ASIC2: variants seen among roughly 807,000 people sequenced by gnomAD.
ASIC2 encodes the protein acid-sensing ion channel 2.
In ASIC2, 25 loss-of-function variants were observed where a neutral mutation model predicts 57.3. The observed-to-expected ratio is 0.44, with a 90% CI of 0.32 to 0.61. The LOEUF is 0.61. Ranked by LOEUF, ASIC2 falls within the 20% of genes least tolerant of loss-of-function variation. The pLI, the probability that ASIC2 is intolerant of heterozygous loss-of-function variation, is 0.06. For synonymous variants in ASIC2, 319 were observed against 307.5 expected, an observed-to-expected ratio of 1.04 and a Z score of -0.39; for missense variants, 641 against 738.1, an observed-to-expected ratio of 0.87 and a Z score of 1.52.
intron 1 of ASIC2, among the ~76,000 whole-genome samples, chr17:34,021,827 GTTTTGTTTTGT>G (rs1298171385): frequency 6.6e-4 from 84 of 127,354 alleles, no homozygotes; most frequent in African/African-American, 2.9e-3. Context: ...TTGGTTTTGT[GTTTTGTTTTGT>G]TTTTTTTTTT....
intron 1 of ASIC2, among the ~76,000 whole-genome samples, chr17:33,299,817 C>T (rs1905877050): frequency 1.3e-5 from 2 of 152,120 alleles, no homozygotes; most frequent in African/African-American, 2.4e-5. Context: ...GTGGCTGAAG[C>T]GTTGTGGTCC....
At chr17:33,379,940 A>G (rs2141945090) in intron 1 of ASIC2, among the ~76,000 whole-genome samples, 1 of 152,292 alleles carries the variant, frequency 6.6e-6, no homozygotes, top group Middle Eastern at 3.4e-3. Flanking sequence ...CCATAGTAGG[A>G]ATTTGTTAAG....
chr17:33,145,222 C>G (rs1904509252), intron 1 of ASIC2, among the ~76,000 whole-genome samples: 1 of 152,254 alleles, frequency 6.6e-6, no homozygotes, highest in South Asian at 2.1e-4. Flanking sequence ...AAGGCAGCCT[C>G]TACCAGCTTC....
At chr17:33,989,220 G>T (rs1197054494) in intron 1 of ASIC2, among the ~76,000 whole-genome samples, 1 of 152,070 alleles carries the variant, frequency 6.6e-6, no homozygotes, top group African/African-American at 2.4e-5. Flanking sequence ...GCTGGGGAAG[G>T]TTTTTTGAGT....
At chr17:33,851,842 G>T (rs1913774074) in intron 1 of ASIC2, among the ~76,000 whole-genome samples, 1 of 152,202 alleles carries the variant, frequency 6.6e-6, no homozygotes, top group Non-Finnish European at 1.5e-5. Flanking sequence ...AGGAACCTCA[G>T]CTTGTTTATC....
chr17:33,503,000 A>G (rs1169337838), intron 1 of ASIC2, among the ~76,000 whole-genome samples: 2 of 152,224 alleles, frequency 1.3e-5, no homozygotes, highest in Non-Finnish European at 2.9e-5. Flanking sequence ...CCTGGGAAGC[A>G]AAATTGATAA....
chr17:33,478,765 G>A (rs1171147648), intron 1 of ASIC2, among the ~76,000 whole-genome samples: 1 of 152,132 alleles, frequency 6.6e-6, no homozygotes, highest in African/African-American at 2.4e-5. Context: ...TTTGCCCAAG[G>A]TTCTGCAATC....
chr17:33,126,003 G>T (rs772058745), intron 1 of ASIC2, among the ~76,000 whole-genome samples: 1 of 152,222 alleles, frequency 6.6e-6, no homozygotes, highest in East Asian at 1.9e-4. Flanking sequence ...CTTAAATTTT[G>T]CGTCTTAGTC....
chr17:34,083,536 C>T (rs556996396), intron 1 of ASIC2, among the ~76,000 whole-genome samples: 2 of 151,626 alleles, frequency 1.3e-5, no homozygotes, highest in Non-Finnish European at 2.9e-5. Context: ...GGGTATATAC[C>T]CAGTAATGGG....
chr17:33,202,911 C>G (rs907245362), intron 1 of ASIC2, among the ~76,000 whole-genome samples: 5 of 152,126 alleles, frequency 3.3e-5, no homozygotes, highest in African/African-American at 1.2e-4. Flanking sequence ...CGGGGACCAC[C>G]CTGCTCCATG....
intron 1 of ASIC2, among the ~76,000 whole-genome samples, chr17:33,200,423 T>G (rs1455745427): frequency 6.6e-6 from 1 of 152,178 alleles, no homozygotes; most frequent in Non-Finnish European, 1.5e-5. Flanking sequence ...GACACCCAAC[T>G]GCCCACTTAC....
At chr17:33,978,311 G>A (rs900725975) in intron 1 of ASIC2, among the ~76,000 whole-genome samples, 4 of 152,168 alleles carry the variant, frequency 2.6e-5, no homozygotes, top group African/African-American at 7.2e-5. Flanking sequence ...CCAGGGCTAC[G>A]TAGAAAATAT....
chr17:33,553,076 A>T (rs894912709), intron 1 of ASIC2, among the ~76,000 whole-genome samples: 1 of 152,162 alleles, frequency 6.6e-6, no homozygotes, highest in African/African-American at 2.4e-5. Context: ...AGGGACTCCT[A>T]GAGTTCTGGC....
At chr17:33,086,571 T>C (rs972390082) in intron 3 of ASIC2, among the ~76,000 whole-genome samples, 2 of 152,200 alleles carry the variant, frequency 1.3e-5, no homozygotes, top group Admixed American at 1.3e-4. Context: ...GACCAGACTC[T>C]AGCCAGGCTC....
At chr17:33,558,212 G>C (rs919532107) in intron 1 of ASIC2, among the ~76,000 whole-genome samples, 2 of 151,942 alleles carry the variant, frequency 1.3e-5, no homozygotes, top group Non-Finnish European at 2.9e-5. Context: ...TGGGCCCGGG[G>C]GGCCACTACC....
chr17:33,319,448 G>A (rs1429088916), intron 1 of ASIC2, among the ~76,000 whole-genome samples: 1 of 152,146 alleles, frequency 6.6e-6, no homozygotes, highest in Non-Finnish European at 1.5e-5. Flanking sequence ...GGAAGAGTTT[G>A]TGTTTTCCCT....
At chr17:33,912,421 G>A (rs961418909) in intron 1 of ASIC2, among the ~76,000 whole-genome samples, 1 of 151,992 alleles carries the variant, frequency 6.6e-6, no homozygotes, top group Non-Finnish European at 1.5e-5. Context: ...GGCAGAGATT[G>A]CAGTGAGCTG....
At chr17:33,971,140 T>C (rs1373863263) in intron 1 of ASIC2, among the ~76,000 whole-genome samples, 1 of 152,082 alleles carries the variant, frequency 6.6e-6, no homozygotes, top group Non-Finnish European at 1.5e-5. Flanking sequence ...CCAGCAGAAA[T>C]GATTCACAGC....
At chr17:33,420,036 G>A (rs1910991238) in intron 1 of ASIC2, among the ~76,000 whole-genome samples, 1 of 152,208 alleles carries the variant, frequency 6.6e-6, no homozygotes, top group South Asian at 2.1e-4. Context: ...AAGGAATGGG[G>A]AGAGAGGAGG....
Sources: gnomAD v4.1 joint callset for allele counts (sites outside exome capture counted in the v4.1 genomes callset) on GRCh38, gnomAD v4.1.1 for gene constraint, MANE v1.5 for transcripts, NCBI Gene and HGNC (gene_info 2026-07-23, HGNC 2026-07-21) for gene names.